VPS13C: variants seen among roughly 807,000 people sequenced by gnomAD.
VPS13C encodes intermembrane lipid transfer protein VPS13C.
In VPS13C, 358 loss-of-function variants were observed where a neutral mutation model predicts 456.8. That is an observed-to-expected ratio of 0.78 (90% CI 0.72 to 0.86). The LOEUF is 0.86. Ranked by LOEUF, VPS13C falls within the 40% of genes least tolerant of loss-of-function variation. The pLI is 0.00. For synonymous variants in VPS13C, 1,578 were observed against 1,486.7 expected, an observed-to-expected ratio of 1.06 and a Z score of -1.41; for missense variants, 4,818 against 4,385.4, an observed-to-expected ratio of 1.10 and a Z score of -2.79.
At chr15:61,895,559 T>G (rs926393119) in intron 66 of VPS13C, among the ~76,000 whole-genome samples, 1 of 152,182 alleles carries the variant, frequency 6.6e-6, no homozygotes, top group African/African-American at 2.4e-5. Context: ...TTAGAGACTA[T>G]TATGAACAAC....
intron 82 of VPS13C, among the ~76,000 whole-genome samples, chr15:61,860,953 C>CTTTTTTT (rs781045840): frequency 2.2e-5 from 2 of 89,696 alleles, no homozygotes; most frequent in Non-Finnish European, 4.5e-5. Flanking sequence ...TATTTTCTTT[C>CTTTTTTT]TTTTTTTTTT....
At chr15:61,916,119 T>C (rs376878968) in intron 60 of VPS13C, 97 bp from the exon 61 acceptor site, 108 of 1,319,894 alleles carry the variant, frequency 8.2e-5, no homozygotes, top group African/African-American at 3.0e-4. Flanking sequence ...ACCAGATGCA[T>C]GTAAACTGCT....
chr15:62,004,400 T>A (rs1015662853), intron 15 of VPS13C, among the ~76,000 whole-genome samples: 1 of 152,120 alleles, frequency 6.6e-6, no homozygotes, highest in African/African-American at 2.4e-5. Flanking sequence ...ATCTATTTGA[T>A]TCTTCTCTTT....
At chr15:61,873,187 A>C (rs547902375) in intron 78 of VPS13C, 59 bp downstream of exon 78, 1 of 1,603,398 alleles carries the variant, frequency 6.2e-7, no homozygotes, top group African/African-American at 1.3e-5. Flanking sequence ...TCACACAACC[A>C]GCTAGAATAC....
Position 61,880,738 on chromosome 15 carries a change from T to C in VPS13C, c.9889-16A>G, listed in dbSNP as rs1895783503. On this transcript the variant is annotated splice_polypyrimidine_tract_variant and intron_variant, in intron 72 of 84. Transcript: ENST00000644861. ...TTAACTTTGTCTGAAAAAAATAAAA[T>C]CAAGAATTTCTATTTTAATTTTTTT... 3 of 1,545,580 alleles carry C rather than the reference T, an allele frequency of 1.9e-6. No individual in the cohort carries two copies. The highest frequency in any genetic ancestry group is 2.3e-5 in the East Asian group (1 of 43,302).
At chr15:61,869,107 T>C (rs1041816640) in intron 80 of VPS13C, among the ~76,000 whole-genome samples, 1 of 110,778 alleles carries the variant, frequency 9.0e-6, no homozygotes, top group Non-Finnish European at 2.1e-5. Context: ...CTCTTTTCTT[T>C]TCTTTTTTCT....
chr15:62,001,091 G>A (rs181720721), intron 15 of VPS13C, among the ~76,000 whole-genome samples: 152 of 152,266 alleles, frequency 1.0e-3, no homozygotes, highest in African/African-American at 3.0e-3. Context: ...CTGATTTGAG[G>A]CATTTATATA....
chr15:61,964,581 T>C, intron 31 of VPS13C, 118 bp downstream of exon 31: 1 of 992,842 alleles, frequency 1.0e-6, no homozygotes, highest in Non-Finnish European at 1.4e-6. Flanking sequence ...TAATTTAATT[T>C]GAAGAAAAGG....
chr15:61,971,736 G>A (rs1220159796), intron 27 of VPS13C, among the ~76,000 whole-genome samples: 2 of 152,186 alleles, frequency 1.3e-5, no homozygotes, highest in African/African-American at 4.8e-5. Flanking sequence ...TGAATTTAGG[G>A]TCATGGGATT....
rs1893751469 is a variant in VPS13C, at chr15:61,853,498, T to G, written c.*959A>C. 6.6e-6 allele frequency: 1 copy of G among 152,208 alleles called. No individual in the cohort carries two copies. The allele number at this position is 152,208 out of a possible 1,614,324, so 9.4% of individuals were successfully genotyped here. ...TACAGAGGGCAGAGTGTAGCTATTT[T>G]AAGGTTTGATTGTCCAGATTTTTTT... On this transcript the variant is annotated 3_prime_UTR_variant, in exon 85 of 85. Coordinates refer to ENST00000644861, the MANE Select transcript of VPS13C (RefSeq NM_020821.3).
At chr15:61,968,987 T>A (rs1188000426) in intron 28 of VPS13C, among the ~76,000 whole-genome samples, 1 of 152,096 alleles carries the variant, frequency 6.6e-6, no homozygotes, top group African/African-American at 2.4e-5. Flanking sequence ...GTAATATTAA[T>A]TAAGAGCACA....
At chr15:61,982,803 G>GTA (rs1049917089) in intron 20 of VPS13C, among the ~76,000 whole-genome samples, 2 of 152,178 alleles carry the variant, frequency 1.3e-5, no homozygotes, top group African/African-American at 4.8e-5. Flanking sequence ...AAGGTGTAAA[G>GTA]TATGTTCTAC....
At chr15:62,008,497 T>C (rs192638561) in intron 14 of VPS13C, among the ~76,000 whole-genome samples, 158 bp downstream of exon 14, 1 of 152,232 alleles carries the variant, frequency 6.6e-6, no homozygotes, top group African/African-American at 2.4e-5. Flanking sequence ...AAGCTGTTTT[T>C]ATAAGTAATC....
At position 61,917,566 on chromosome 15, in the gene VPS13C, G is replaced by A; in HGVS notation, c.7830C>T (p.Ser2610=). ...TGCTCCTATGAAGTTCTTCCTTCCA[G>A]GAAATATAAGTGGTAGATTCTTTGT... ...HQYKESTTYI[S]WKEELHRSRE... is the part of the protein sequence containing the mutation. The change falls in exon 60 of 85, where the codon TCC becomes TCT. Residue 2610 remains serine, a synonymous_variant. Coordinates refer to ENST00000644861, the MANE Select transcript of VPS13C (RefSeq NM_020821.3). 6.2e-7 allele frequency: 1 copy of A among 1,613,936 alleles called. No homozygotes were observed. Among genetic ancestry groups the A allele is most frequent in the Non-Finnish European group, 8.5e-7 (1 of 1,179,878 alleles).
rs951692656 is a variant in VPS13C at position 61,962,975 on chromosome 15, G to A, written c.3332-123C>T. ...ATTTAGCAATGTTTCAACTCCCAATGGATAAATAAGTTGCAATATTAGAGT... is the reference window on the plus strand; with the variant it reads ...ATTTAGCAATGTTTCAACTCCCAATAGATAAATAAGTTGCAATATTAGAGT... On this transcript the variant is annotated intron_variant, in intron 32 of 84. Coordinates refer to ENST00000644861, the MANE Select transcript of VPS13C (RefSeq NM_020821.3). 14 of 539,252 alleles carry A rather than the reference G, an allele frequency of 2.6e-5. No homozygotes were observed. The Admixed American group carries it at 4.8e-4, about 18-fold the overall frequency. 33.4% of individuals were successfully genotyped at this position (539,252 alleles called of 1,614,324 possible).
chr15:62,041,389 A>C, intron 2 of VPS13C, 23 bp from the exon 3 acceptor site: 4 of 1,593,252 alleles, frequency 2.5e-6, no homozygotes, highest in Non-Finnish European at 3.4e-6. Flanking sequence ...GAGAAAATGT[A>C]AAGGACATCT....
chr15:62,012,221 GACACACACACACACACAC>G (rs67220908), intron 11 of VPS13C, 57 bp from the exon 12 acceptor site: 461 of 511,218 alleles, frequency 9.0e-4, no homozygotes, highest in African/African-American at 4.8e-3. Flanking sequence ...TTCAGACTCA[GACACACACACACACACAC>G]ACACACACAC....
rs997312890 is a variant in VPS13C, at chr15:61,991,754, C to T, written c.1402G>A (p.Glu468Lys). ...CCACTAAACCAGCCTCCACGTTTCT[C>T]GCCTGTGTCAGCAGACTTTTTCCTT... ...KLRKKSADTG[E>K]KRGGWFSGLW... Residue 468 changes from glutamate to lysine, a missense_variant, in exon 17 of 85, where the codon GAG becomes AAG. Physicochemically the swap from Glu to Lys is moderately conservative, Grantham distance 56 (BLOSUM62 1). This residue lies in a region of VPS13C where 4,552 missense variants were observed against 4,130.6 expected (regional missense o/e 1.10). Coordinates refer to ENST00000644861, the MANE Select transcript of VPS13C (RefSeq NM_020821.3). The T allele has an allele frequency of 2.5e-6, 4 of 1,613,462 alleles. No individual in the cohort carries two copies. The highest frequency in any genetic ancestry group is 1.3e-5 in the African/African-American group (1 of 74,964).
chr15:62,019,210 T>A (rs1391813273), intron 9 of VPS13C, among the ~76,000 whole-genome samples: 10 of 152,170 alleles, frequency 6.6e-5, no homozygotes, highest in Admixed American at 6.5e-4. Flanking sequence ...TAGCAGTCTA[T>A]CGATTTTGTT....
Sources: allele counts gnomAD v4.1 joint callset (sites outside exome capture counted in the v4.1 genomes callset), GRCh38; gene constraint gnomAD v4.1.1; regional missense constraint gnomAD v4.1.1; transcripts MANE v1.5; gene names NCBI Gene and HGNC (gene_info 2026-07-23, HGNC 2026-07-21).